Variants in RIMS2 observed in about 807,000 individuals in gnomAD.
RIMS2 encodes regulating synaptic membrane exocytosis protein 2.
Under a neutral mutation model 174.4 loss-of-function variants are expected in RIMS2, and 59 were observed. The ratio of observed to expected loss-of-function variants is 0.34; its 90% CI spans 0.27 to 0.42. The LOEUF (loss-of-function observed/expected upper bound fraction) is 0.42. RIMS2 is among the 10% of genes least tolerant of loss of function. The pLI is 1.00. For synonymous variants in RIMS2, 606 were observed against 572.5 expected (o/e 1.06, Z -0.84); for missense variants, 1,620 against 1,666.3 (o/e 0.97, Z 0.48).
chr8:104,055,867 G>A (rs1303603024), intron 19 of RIMS2, among the ~76,000 whole-genome samples: 3 of 151,940 alleles, frequency 2.0e-5, no homozygotes, highest in Admixed American at 2.0e-4. Context: ...GTCTCTCCTA[G>A]GCTCTGGCTA....
intron 19 of RIMS2, among the ~76,000 whole-genome samples, chr8:104,036,675 G>A (rs1158740385): frequency 6.6e-6 from 1 of 151,596 alleles, no homozygotes; most frequent in African/African-American, 2.4e-5. Flanking sequence ...TCAGGAGTTC[G>A]AGACCAGACT....
chr8:103,982,559 A>G, intron 16 of RIMS2, among the ~76,000 whole-genome samples: 1 of 152,178 alleles, frequency 6.6e-6, no homozygotes, highest in Non-Finnish European at 1.5e-5. Flanking sequence ...ATCAAGACCA[A>G]GTAAAATTTA....
chr8:103,508,171 C>A (rs2130983354), intron 1 of RIMS2, among the ~76,000 whole-genome samples: 1 of 152,078 alleles, frequency 6.6e-6, no homozygotes, highest in East Asian at 1.9e-4. Flanking sequence ...ACAGATATCT[C>A]TGGGAGTTGA....
At chr8:103,881,629 A>T (rs1656253573) in intron 3 of RIMS2, among the ~76,000 whole-genome samples, 1 of 151,566 alleles carries the variant, frequency 6.6e-6, no homozygotes, top group Non-Finnish European at 1.5e-5. Context: ...AGTTAGAATA[A>T]CATTTATAAT....
chr8:103,850,387 T>C (rs1162076708), intron 3 of RIMS2, among the ~76,000 whole-genome samples: 1 of 152,010 alleles, frequency 6.6e-6, no homozygotes, highest in Admixed American at 6.6e-5. Context: ...AACAAAATTC[T>C]TACTCCATCA....
intron 17 of RIMS2, among the ~76,000 whole-genome samples, chr8:104,008,142 G>A (rs1276403856): frequency 1.3e-5 from 2 of 151,986 alleles, no homozygotes; most frequent in Admixed American, 1.3e-4. Flanking sequence ...CTATTTTATG[G>A]AATCTGAGAA....
intron 3 of RIMS2, among the ~76,000 whole-genome samples, chr8:103,786,033 T>G (rs957994563): frequency 3.9e-5 from 6 of 152,228 alleles, no homozygotes; most frequent in African/African-American, 1.2e-4. Flanking sequence ...ATCCATTTCT[T>G]CTAGATTTTC....
rs575358805 is a variant in RIMS2 at position 103,759,481 on chromosome 8, C to T, written c.388-6746C>T. Among the ~76,000 whole-genome samples the T allele has an allele frequency of 5.2e-3, 727 of 140,994 alleles. 7 individuals are homozygous for T. Among genetic ancestry groups the T allele is most frequent in the African/African-American group, 0.019 (700 of 37,544 alleles). 92.5% of individuals were successfully genotyped at this position (140,994 alleles called of 152,430 possible). A position where few individuals can be genotyped will look rare whatever the true frequency, so the allele number is the denominator to read the frequency against. On this transcript the variant is annotated intron_variant, in intron 2 of 23. Coordinates refer to ENST00000504942, the Ensembl canonical transcript of RIMS2. ...TCGGGAGGCTGAGGCAGGAGAATGG[C>T]GTGAACCTGGGAGGCGGAGCTTGCA...
chr8:104,092,591 TA>T (rs1428439306), intron 19 of RIMS2, among the ~76,000 whole-genome samples: 5 of 151,752 alleles, frequency 3.3e-5, no homozygotes, highest in African/African-American at 1.2e-4. Flanking sequence ...CAAAAAAAGA[TA>T]TTATTATCCA....
At chr8:104,223,668 T>TGG (rs567070433) in intron 19 of RIMS2, 1 of 1,591,110 alleles carries the variant, frequency 6.3e-7, no homozygotes, top group East Asian at 2.3e-5. Flanking sequence ...CGGCAGGGCT[T>TGG]GGGGGGTGCC....
At chr8:103,910,381 C>T in intron 5 of RIMS2, 1 of 1,597,320 alleles carries the variant, frequency 6.3e-7, no homozygotes, top group Non-Finnish European at 8.5e-7. Context: ...GACTCTAACA[C>T]CAGGTCTGAG....
intron 19 of RIMS2, among the ~76,000 whole-genome samples, chr8:104,063,182 T>G (rs2097036621): frequency 6.6e-6 from 1 of 151,992 alleles, no homozygotes; most frequent in African/African-American, 2.4e-5. Context: ...ATTCTTAAAT[T>G]TAACTGAAAA....
chr8:103,830,774 A>C (rs1267559520), intron 3 of RIMS2, among the ~76,000 whole-genome samples: 1 of 152,066 alleles, frequency 6.6e-6, no homozygotes, highest in East Asian at 1.9e-4. Context: ...ATGTGCCTTA[A>C]AGCTCTGTTA....
chr8:103,934,314 G>A (rs898733476), intron 12 of RIMS2, among the ~76,000 whole-genome samples: 1 of 151,954 alleles, frequency 6.6e-6, no homozygotes, highest in African/African-American at 2.4e-5. Context: ...ATTTTAAAAT[G>A]ATCTCTATAG....
intron 19 of RIMS2, chr8:104,094,604 T>C (rs1483823084): frequency 2.9e-6 from 2 of 701,604 alleles, no homozygotes; most frequent in Non-Finnish European, 5.2e-6. Flanking sequence ...CCAAAACGTG[T>C]AATAAGGAGA....
chr8:103,885,162 A>G (rs1005391456), intron 3 of RIMS2, 136 bp from the exon 7 acceptor site: 2 of 1,252,980 alleles, frequency 1.6e-6, no homozygotes, highest in African/African-American at 3.0e-5. Flanking sequence ...AACCATTGTT[A>G]CGCTATGCCT....
chr8:103,671,815 A>G (rs1242751839), intron 1 of RIMS2, among the ~76,000 whole-genome samples: 1 of 152,228 alleles, frequency 6.6e-6, no homozygotes, highest in Non-Finnish European at 1.5e-5. Flanking sequence ...ATTTTGGAAC[A>G]TATATTAATA....
intron 1 of RIMS2, among the ~76,000 whole-genome samples, chr8:103,577,359 TCAAAACCA>T (rs2093323256): frequency 6.6e-6 from 1 of 151,894 alleles, no homozygotes; most frequent in African/African-American, 2.4e-5. Flanking sequence ...GAAATGCAAA[TCAAAACCA>T]CAGTGAGACA....
At chr8:103,985,777 T>C (rs1334688949) in intron 16 of RIMS2, among the ~76,000 whole-genome samples, 2 of 152,184 alleles carry the variant, frequency 1.3e-5, no homozygotes, top group African/African-American at 4.8e-5. Flanking sequence ...AATGAAATAC[T>C]ATTCAACTTC....
Sources: allele counts gnomAD v4.1 joint callset (sites outside exome capture counted in the v4.1 genomes callset), GRCh38; gene constraint gnomAD v4.1.1; transcripts MANE v1.5; gene names NCBI Gene and HGNC (gene_info 2026-07-23, HGNC 2026-07-21).